Variants in OR9Q1 observed in about 807,000 individuals in gnomAD.
The protein encoded by OR9Q1 is olfactory receptor family 9 subfamily Q member 1.
For synonymous variants in OR9Q1, 153 were observed against 148.6 expected, an observed-to-expected ratio of 1.03 and a Z score of -0.22; for missense variants, 374 against 378.8, an observed-to-expected ratio of 0.99 and a Z score of 0.11.
intron 2 of OR9Q1, among the ~76,000 whole-genome samples, chr11:58,169,107 G>A (rs1854531833): frequency 6.6e-6 from 1 of 152,102 alleles, no homozygotes; most frequent in African/African-American, 2.4e-5. Context: ...AATTTTCTCT[G>A]ATTTTTAAAG....
chr11:58,136,694 C>A (rs1300869181), intron 2 of OR9Q1, among the ~76,000 whole-genome samples: 1 of 152,142 alleles, frequency 6.6e-6, no homozygotes, highest in Non-Finnish European at 1.5e-5. Flanking sequence ...GATGAGCGAC[C>A]ATTGGGCAAC....
At chr11:58,068,099 G>A (rs1853447172) in intron 2 of OR9Q1, among the ~76,000 whole-genome samples, 1 of 152,012 alleles carries the variant, frequency 6.6e-6, no homozygotes, top group Admixed American at 6.6e-5. Flanking sequence ...AGGACTTTGG[G>A]AGGCCGAGGT....
At chr11:58,106,159 C>CTTT (rs34637003) in intron 2 of OR9Q1, among the ~76,000 whole-genome samples, 32 of 144,466 alleles carry the variant, frequency 2.2e-4, no homozygotes, top group African/African-American at 7.1e-4. Context: ...CATTTGCTAT[C>CTTT]TTTTTTTTTT....
chr11:58,144,708 T>C (rs1854283445), intron 2 of OR9Q1: 1 of 152,590 alleles, frequency 6.6e-6, no homozygotes, highest in Non-Finnish European at 1.5e-5. Context: ...TACTCTTCTG[T>C]TATTGGTCCT....
chr11:58,053,306 G>A (rs1452325107), intron 1 of OR9Q1, among the ~76,000 whole-genome samples: 3 of 151,618 alleles, frequency 2.0e-5, no homozygotes, highest in Admixed American at 2.0e-4. Flanking sequence ...CAGGGACATG[G>A]ATGAAATTGG....
chr11:58,140,626 G>A (rs138320234), intron 2 of OR9Q1, among the ~76,000 whole-genome samples: 4,631 of 152,170 alleles, frequency 0.03, 224 homozygotes, highest in African/African-American at 0.1. Flanking sequence ...TGAGGGCTCC[G>A]TTCTGTTCCA....
chr11:58,154,919 CT>C (rs1323351322), intron 2 of OR9Q1, among the ~76,000 whole-genome samples: 22 of 152,142 alleles, frequency 1.4e-4, no homozygotes, highest in African/African-American at 5.1e-4. Flanking sequence ...CTTCTCATTG[CT>C]TAGATGATAG....
chr11:58,053,588 TAAAGTA>T (rs1296450586), intron 1 of OR9Q1, among the ~76,000 whole-genome samples: 2 of 71,158 alleles, frequency 2.8e-5, no homozygotes, highest in African/African-American at 1.1e-4. Context: ...CCCTAAAACT[TAAAGTA>T]TAATAATAAA....
intron 2 of OR9Q1, among the ~76,000 whole-genome samples, chr11:58,167,427 T>G (rs17152453): frequency 6.6e-6 from 1 of 152,324 alleles, no homozygotes; most frequent in East Asian, 1.9e-4. Flanking sequence ...TTTCAAAAAT[T>G]TCTTTACTTT....
chr11:58,162,299 A>G (rs529363717), intron 2 of OR9Q1, among the ~76,000 whole-genome samples: 1 of 152,348 alleles, frequency 6.6e-6, no homozygotes, highest in South Asian at 2.1e-4. Context: ...GTTTGAATGT[A>G]TTATCTGTAA....
intron 1 of OR9Q1, among the ~76,000 whole-genome samples, chr11:58,048,623 C>T (rs959894836): frequency 8.1e-5 from 12 of 148,904 alleles, no homozygotes; most frequent in South Asian, 6.4e-4. Context: ...CAGCTGAGAT[C>T]GCACCACTGC....
intron 2 of OR9Q1, among the ~76,000 whole-genome samples, chr11:58,175,105 C>CAAAAA (rs57623932): frequency 1.4e-5 from 1 of 69,278 alleles, no homozygotes; most frequent in East Asian, 4.6e-4. Flanking sequence ...GACTCTGTCT[C>CAAAAA]AAAAAAAAAA....
At chr11:58,135,447 C>G (rs1289996626) in intron 2 of OR9Q1, among the ~76,000 whole-genome samples, 1 of 152,126 alleles carries the variant, frequency 6.6e-6, no homozygotes, top group Non-Finnish European at 1.5e-5. Flanking sequence ...TGAAGTCCAC[C>G]CTGACACATT....
intron 1 of OR9Q1, among the ~76,000 whole-genome samples, chr11:58,026,160 G>A (rs576496470): frequency 6.6e-6 from 1 of 152,126 alleles, no homozygotes; most frequent in Non-Finnish European, 1.5e-5. Flanking sequence ...ACTCATTTTG[G>A]GTTAGAGGCC....
chr11:58,130,230 A>G (rs917539640), intron 2 of OR9Q1, among the ~76,000 whole-genome samples: 2 of 152,170 alleles, frequency 1.3e-5, no homozygotes, highest in African/African-American at 4.8e-5. Flanking sequence ...CAATAGAAAA[A>G]CTGGCAAAAT....
intron 2 of OR9Q1, among the ~76,000 whole-genome samples, chr11:58,147,079 T>C (rs1854305896): frequency 6.6e-6 from 1 of 152,214 alleles, no homozygotes; most frequent in Non-Finnish European, 1.5e-5. Context: ...CAACAGTTGG[T>C]GCATCCCAGT....
chr11:58,118,431 A>G, intron 2 of OR9Q1: 2 of 1,007,362 alleles, frequency 2.0e-6, no homozygotes, highest in South Asian at 3.2e-5. Context: ...GCATATAGTA[A>G]TGGTGCCTAT....
intron 1 of OR9Q1, among the ~76,000 whole-genome samples, chr11:58,035,944 G>GT (rs1361812943): frequency 1.3e-4 from 15 of 119,794 alleles, no homozygotes; most frequent in African/African-American, 3.9e-4. Context: ...CACTGGTACT[G>GT]GTTTTTTTTT....
At chr11:58,137,975 T>C (rs1019396220) in intron 2 of OR9Q1, among the ~76,000 whole-genome samples, 1 of 152,212 alleles carries the variant, frequency 6.6e-6, no homozygotes, top group African/African-American at 2.4e-5. Flanking sequence ...GATGCATCAT[T>C]TGAGGTCTGT....
Sources: gnomAD v4.1 joint callset for allele counts (sites outside exome capture counted in the v4.1 genomes callset) on GRCh38, gnomAD v4.1.1 for gene constraint, MANE v1.5 for transcripts, NCBI Gene and HGNC (gene_info 2026-07-23, HGNC 2026-07-21) for gene names.